Variants in CADM2 observed in about 807,000 individuals in gnomAD.
The protein encoded by CADM2 is cell adhesion molecule 2, also known as immunoglobulin superfamily member 4D.
A neutral mutation model predicts 49.8 loss-of-function variants in CADM2; 12 were observed. The ratio of observed to expected loss-of-function variants is 0.24; its 90% CI spans 0.15 to 0.39. CADM2 has a LOEUF of 0.39. Ranked by LOEUF, CADM2 falls within the 10% of genes least tolerant of loss-of-function variation. The pLI is 1.00. For missense variants in CADM2, 378 were observed against 492.3 expected, an observed-to-expected ratio of 0.77 and a Z score of 2.20; for synonymous variants, 214 against 175.4, an observed-to-expected ratio of 1.22 and a Z score of -1.74.
intron 2 of CADM2, among the ~76,000 whole-genome samples, chr3:85,797,532 G>C (rs1315774294): frequency 2.6e-5 from 4 of 152,122 alleles, no homozygotes; most frequent in Non-Finnish European, 5.9e-5. Flanking sequence ...TTCTGTGTTA[G>C]TTTGCTGAGA....
chr3:85,572,340 T>G (rs899793467), intron 1 of CADM2, among the ~76,000 whole-genome samples: 1 of 152,006 alleles, frequency 6.6e-6, no homozygotes, highest in African/African-American at 2.4e-5. Flanking sequence ...TTACAAAGCT[T>G]TATGTAAAAA....
chr3:85,575,537 C>T (rs186598539), intron 1 of CADM2, among the ~76,000 whole-genome samples: 216 of 151,976 alleles, frequency 1.4e-3, no homozygotes, highest in African/African-American at 4.7e-3. Context: ...GGCGACAGAG[C>T]GAGACTCCGT....
intron 1 of CADM2, among the ~76,000 whole-genome samples, chr3:85,458,272 C>A (rs2038084339): frequency 6.6e-6 from 1 of 152,166 alleles, no homozygotes; most frequent in African/African-American, 2.4e-5. Context: ...AAATGCCTTA[C>A]ACCATGCCCT....
chr3:85,406,005 A>C, intron 1 of CADM2, among the ~76,000 whole-genome samples: 1 of 151,996 alleles, frequency 6.6e-6, no homozygotes, highest in East Asian at 1.9e-4. Context: ...TAAAATATAT[A>C]AAGCATTATA....
chr3:85,999,445 C>T (rs1486178325), intron 8 of CADM2, among the ~76,000 whole-genome samples: 1 of 151,746 alleles, frequency 6.6e-6, no homozygotes, highest in Non-Finnish European at 1.5e-5. Flanking sequence ...GTGAAGCTTG[C>T]AGTGAGCCCA....
chr3:85,967,868 T>G (rs1725659921), intron 8 of CADM2, among the ~76,000 whole-genome samples: 1 of 151,574 alleles, frequency 6.6e-6, no homozygotes, highest in Non-Finnish European at 1.5e-5. Context: ...GCCTGGATTA[T>G]GGACAGATGT....
At chr3:85,957,572 A>G (rs1438642756) in intron 7 of CADM2, among the ~76,000 whole-genome samples, 1 of 151,796 alleles carries the variant, frequency 6.6e-6, no homozygotes, top group Non-Finnish European at 1.5e-5. Flanking sequence ...TCAGTTTTTC[A>G]TGAGACACCA....
intron 1 of CADM2, among the ~76,000 whole-genome samples, chr3:85,523,594 C>G (rs1395961262): frequency 2.0e-5 from 3 of 151,658 alleles, no homozygotes; most frequent in Non-Finnish European, 4.4e-5. Flanking sequence ...AAATTTTTTT[C>G]TGGAGCTTCA....
intron 1 of CADM2, among the ~76,000 whole-genome samples, chr3:85,332,012 A>G (rs576099303): frequency 7.9e-4 from 121 of 152,242 alleles, no homozygotes; most frequent in African/African-American, 2.6e-3. Flanking sequence ...ATAAATTTCA[A>G]TGAGTACCTA....
intron 8 of CADM2, among the ~76,000 whole-genome samples, chr3:85,964,115 T>C (rs971780926): frequency 2.0e-5 from 3 of 151,868 alleles, no homozygotes; most frequent in African/African-American, 7.2e-5. Context: ...CTCTCTTCTT[T>C]TAATGGTTTG....
chr3:85,576,855 T>C (rs1022282726), intron 1 of CADM2, among the ~76,000 whole-genome samples: 1 of 152,154 alleles, frequency 6.6e-6, no homozygotes, highest in Admixed American at 6.6e-5. Context: ...CTCCCTTTTA[T>C]TCTCTATTCA....
At chr3:85,612,557 A>G (rs1277266725) in intron 1 of CADM2, among the ~76,000 whole-genome samples, 7 of 151,858 alleles carry the variant, frequency 4.6e-5, no homozygotes, top group African/African-American at 2.4e-5. Context: ...TTACTTAAAT[A>G]TAGAACTGAA....
chr3:85,809,783 TC>T (rs1194897358), intron 3 of CADM2, among the ~76,000 whole-genome samples: 4,410 of 114,506 alleles, frequency 0.039, 620 homozygotes, highest in African/African-American at 0.13. Context: ...TCTCTCTCTC[TC>T]TCTCTCTCTT....
intron 1 of CADM2, among the ~76,000 whole-genome samples, chr3:85,570,918 G>A (rs538003395): frequency 6.6e-6 from 1 of 152,234 alleles, no homozygotes; most frequent in African/African-American, 2.4e-5. Flanking sequence ...CTCAGAAAAG[G>A]GAAATGAGAT....
At chr3:85,679,961 C>A (rs2065993589) in intron 1 of CADM2, among the ~76,000 whole-genome samples, 2 of 152,014 alleles carry the variant, frequency 1.3e-5, no homozygotes, top group South Asian at 2.1e-4. Flanking sequence ...TGAATTATCA[C>A]AATCCATTTA....
At chr3:85,829,733 C>T (rs1424818953) in intron 3 of CADM2, among the ~76,000 whole-genome samples, 4 of 152,070 alleles carry the variant, frequency 2.6e-5, no homozygotes, top group African/African-American at 4.8e-5. Flanking sequence ...TGAGTTCAAA[C>T]GTGAAATTTC....
chr3:85,128,784 T>C (rs2107605415), intron 1 of CADM2, among the ~76,000 whole-genome samples: 1 of 152,306 alleles, frequency 6.6e-6, no homozygotes, highest in South Asian at 2.1e-4. Flanking sequence ...AGCAAGTTTT[T>C]ATTGCTGTAA....
intron 1 of CADM2, among the ~76,000 whole-genome samples, chr3:85,477,669 G>GGTCT (rs1320015431): frequency 2.0e-5 from 3 of 151,746 alleles, no homozygotes; most frequent in East Asian, 3.9e-4. Flanking sequence ...TTTTCTTTGG[G>GGTCT]GTCTGTCTGT....
intron 1 of CADM2, among the ~76,000 whole-genome samples, chr3:85,349,652 T>C (rs1348245031): frequency 6.6e-6 from 1 of 152,212 alleles, no homozygotes; most frequent in African/African-American, 2.4e-5. Context: ...ATTGAACATG[T>C]CAAAGACTTA....
Sources: allele counts gnomAD v4.1 joint callset (sites outside exome capture counted in the v4.1 genomes callset), GRCh38; gene constraint gnomAD v4.1.1; transcripts MANE v1.5; gene names NCBI Gene and HGNC (gene_info 2026-07-23, HGNC 2026-07-21).